The following EXOC4 variants were observed in gnomAD, a reference collection of about 807,000 sequenced individuals.
EXOC4 encodes exocyst complex component 4.
EXOC4 carries 71 observed loss-of-function variants against 107.2 expected under a neutral mutation model. The ratio of observed to expected loss-of-function variants is 0.66; its 90% confidence interval spans 0.55 to 0.81. EXOC4 has a LOEUF of 0.81. Among genes scored for constraint, EXOC4 ranks in the 30% least tolerant of loss-of-function variants. EXOC4 has a pLI of 0.00. For synonymous variants in EXOC4, 456 were observed against 441.2 expected (o/e 1.03, Z -0.42); for missense variants, 1,108 against 1,189.6 (o/e 0.93, Z 1.01).
chr7:133,562,163 G>GT (rs1236435111), intron 9 of EXOC4, among the ~76,000 whole-genome samples: 1 of 152,164 alleles, frequency 6.6e-6, no homozygotes, highest in East Asian at 1.9e-4. Flanking sequence ...TGAAGAACTT[G>GT]TTGCATTTCT....
At chr7:133,895,834 T>A in intron 12 of EXOC4, 99 bp downstream of exon 12, 1 of 1,322,896 alleles carries the variant, frequency 7.6e-7, no homozygotes, top group East Asian at 2.3e-5. Flanking sequence ...AAAAGGATCA[T>A]CTCTGAGTTT....
chr7:133,805,506 A>G (rs1235965061), intron 10 of EXOC4, among the ~76,000 whole-genome samples: 1 of 152,194 alleles, frequency 6.6e-6, no homozygotes, highest in East Asian at 1.9e-4. Context: ...TTTTCAAGAT[A>G]TTTTAAAACT....
chr7:133,481,906 C>T (rs1222691868), intron 9 of EXOC4, among the ~76,000 whole-genome samples: 2 of 152,038 alleles, frequency 1.3e-5, no homozygotes, highest in South Asian at 2.1e-4. Context: ...GGCTAGGCTG[C>T]CAAGAGTGAA....
At position 133,271,116 on chromosome 7, in the gene EXOC4, C is replaced by T. The variant is rs1238243122; in HGVS notation, c.87-3866C>T. ...TATATTTTTAGTAGAGACAGGGTTT[C>T]ACCATATTGGCCAGGCTGGTCTCGA... is the stretch of plus-strand genomic sequence containing the variant. On this transcript the variant is annotated intron_variant, in intron 1 of 17. Coordinates refer to ENST00000253861, the MANE Select transcript of EXOC4 (RefSeq NM_021807.4). 2.0e-5 allele frequency among the ~76,000 whole-genome samples: 3 copies of T among 151,948 alleles called. 1 individual carries two copies.
chr7:133,875,499 C>T (rs986489781), intron 11 of EXOC4, among the ~76,000 whole-genome samples: 3 of 152,062 alleles, frequency 2.0e-5, no homozygotes, highest in African/African-American at 7.2e-5. Context: ...GAAGAGATCT[C>T]GCTGGCCTAA....
intron 9 of EXOC4, among the ~76,000 whole-genome samples, chr7:133,488,483 AG>A (rs2150871406): frequency 6.6e-6 from 1 of 152,274 alleles, no homozygotes; most frequent in South Asian, 2.1e-4. Context: ...AAAGACTCAG[AG>A]GCAGACATAT....
chr7:133,576,328 T>G, intron 9 of EXOC4: 4 of 442,140 alleles, frequency 9.0e-6, no homozygotes, highest in Non-Finnish European at 1.5e-5. Context: ...CTGTGTTGGT[T>G]GAGATAATTG....
intron 9 of EXOC4, among the ~76,000 whole-genome samples, chr7:133,604,440 AT>A (rs1341644584): frequency 1.8e-4 from 28 of 152,156 alleles, no homozygotes; most frequent in Admixed American, 1.8e-3. Context: ...TAAGTATTGC[AT>A]TGCATTGTGA....
chr7:133,637,365 A>T (rs1314369798), intron 10 of EXOC4, among the ~76,000 whole-genome samples: 2 of 152,184 alleles, frequency 1.3e-5, no homozygotes, highest in African/African-American at 4.8e-5. Flanking sequence ...ATGCAGTGAC[A>T]TTGTTCTACC....
At chr7:133,333,455 T>A (rs1463107539) in intron 5 of EXOC4, among the ~76,000 whole-genome samples, 2 of 151,564 alleles carry the variant, frequency 1.3e-5, no homozygotes, top group African/African-American at 4.9e-5. Context: ...TATTGGAGAG[T>A]GATATTTTGA....
At chr7:133,914,194 T>A (rs185908492) in intron 12 of EXOC4, among the ~76,000 whole-genome samples, 239 of 152,278 alleles carry the variant, frequency 1.6e-3, no homozygotes, top group Non-Finnish European at 3.0e-3. Context: ...TTGTAGAAAT[T>A]CTGGATAAAA....
chr7:134,003,228 A>T (rs1174745356), intron 15 of EXOC4, among the ~76,000 whole-genome samples: 1 of 152,308 alleles, frequency 6.6e-6, no homozygotes. Flanking sequence ...TTCCATTTAT[A>T]TGGCATCCTG....
intron 2 of EXOC4, among the ~76,000 whole-genome samples, chr7:133,281,114 G>A (rs553155457): frequency 6.6e-6 from 1 of 152,024 alleles, no homozygotes; most frequent in South Asian, 2.1e-4. Flanking sequence ...AAAAAACCCG[G>A]GGAAAGAAAG....
chr7:133,755,273 TTATATATATTATATAC>T (rs1795885761), intron 10 of EXOC4, among the ~76,000 whole-genome samples: 5 of 103,734 alleles, frequency 4.8e-5, no homozygotes, highest in Admixed American at 1.0e-4. Flanking sequence ...ATTATATATA[TTATATATATTATATAC>T]ATATTATATA....
At chr7:133,696,389 C>A (rs1273203663) in intron 10 of EXOC4, among the ~76,000 whole-genome samples, 1 of 152,168 alleles carries the variant, frequency 6.6e-6, no homozygotes. Flanking sequence ...CAATACTATT[C>A]CTCACTCCCC....
chr7:133,633,375 T>G (rs1040699835), intron 10 of EXOC4, among the ~76,000 whole-genome samples: 1 of 152,198 alleles, frequency 6.6e-6, no homozygotes, highest in Non-Finnish European at 1.5e-5. Flanking sequence ...CAAACTCTTT[T>G]TCTAATTGAT....
At chr7:133,765,416 A>G (rs1462944304) in intron 10 of EXOC4, among the ~76,000 whole-genome samples, 2 of 152,022 alleles carry the variant, frequency 1.3e-5, no homozygotes, top group Admixed American at 1.3e-4. Context: ...TTCTCATTTA[A>G]AAAACCCAAG....
intron 11 of EXOC4, among the ~76,000 whole-genome samples, chr7:133,832,385 T>C (rs946969731): frequency 2.0e-5 from 3 of 152,238 alleles, no homozygotes; most frequent in Admixed American, 2.0e-4. Flanking sequence ...TGCAAAATGT[T>C]GTGTGTCTAC....
Position 133,449,219 on chromosome 7 carries a change from G to A in EXOC4, c.1183-26109G>A, listed in dbSNP as rs181927030. Among the ~76,000 whole-genome samples, 1,144 of 152,278 alleles carry A rather than the reference G, an allele frequency of 7.5e-3. 40 individuals carry two copies. The East Asian group carries it at 0.13, about 17-fold the overall frequency. ...TAGAGTAAAACTTGTACATGCCGTA[G>A]AACGCCAAGGATTGCTGGCTACCAC... On this transcript the variant is annotated intron_variant, in intron 7 of 17. Transcript: ENST00000253861.
Sources: gnomAD v4.1 joint callset for allele counts (sites outside exome capture counted in the v4.1 genomes callset) on GRCh38, gnomAD v4.1.1 for gene constraint, MANE v1.5 for transcripts, NCBI Gene and HGNC (gene_info 2026-07-23, HGNC 2026-07-21) for gene names.